GATD1: variants seen among roughly 807,000 people sequenced by gnomAD.
GATD1 encodes the protein glutamine amidotransferase-like class 1 domain-containing protein 1.
In GATD1, 23 loss-of-function variants were observed where a neutral mutation model predicts 25.9. The observed-to-expected ratio is 0.89, with a 90% CI of 0.64 to 1.26. The LOEUF (loss-of-function observed/expected upper bound fraction) is 1.26. Among genes scored for constraint, GATD1 ranks in the 50% most tolerant of loss-of-function variants. GATD1 has a pLI of 0.00. For missense variants in GATD1, 347 were observed against 312.5 expected (o/e 1.11, Z -0.83); for synonymous variants, 177 against 134.6 (o/e 1.31, Z -2.18).
chr11:775,658 GC>G (rs1246884622), intron 1 of GATD1, among the ~76,000 whole-genome samples: 1 of 152,116 alleles, frequency 6.6e-6, no homozygotes, highest in South Asian at 2.1e-4. Flanking sequence ...AAGTGTCCTG[GC>G]CCCCCCTCAC....
chr11:773,506 C>G lies in GATD1; in HGVS notation c.355+16G>C. On this transcript the variant is annotated intron_variant, in intron 4 of 7. Coordinates refer to ENST00000319863, the MANE Select transcript of GATD1 (RefSeq NM_182612.4). ...TGCACATCCAACCCCTCCCCTGGGT[C>G]CCAGGGGTCACCTACTGCTCTCAGA... 1 of 1,602,536 alleles carries G rather than the reference C, an allele frequency of 6.2e-7. No individual in the cohort carries two copies. The highest frequency in any genetic ancestry group is 8.5e-7 in the Non-Finnish European group (1 of 1,172,692).
chr11:775,111 G>C lies in GATD1; in HGVS notation c.96C>G (p.Phe32Leu). 6.2e-7 allele frequency: 1 copy of C among 1,605,948 alleles called. No homozygotes were observed. The highest frequency in any genetic ancestry group is 1.7e-5 in the Admixed American group (1 of 58,586). The change falls in exon 2 of 8, where the codon TTC becomes TTG. Residue 32 changes from phenylalanine to leucine, a missense_variant. Transcript: ENST00000319863. ...GGTTGAAGGCGGTGCTGGCCATCGTGAAACAGTGGAGGAAGGACTGGGCCG... is the reference window on the plus strand; with the variant it reads ...GGTTGAAGGCGGTGCTGGCCATCGTCAAACAGTGGAGGAAGGACTGGGCCG... ...GVSAQSFLHC[F>L]TMASTAFNLQ...
rs1863360437 is a variant in GATD1 at position 770,823 on chromosome 11, G to A, written c.*74C>T. 2.6e-6 allele frequency: 4 copies of A among 1,551,750 alleles called. No homozygotes were observed. In the South Asian group the frequency reaches 4.9e-5, roughly 19 times the overall value. Reference sequence around the variant, plus strand: ...CCCTTGTCAGGAGGGAAGAGGCGGGGTCCCTGAAGCCTGAGACGGGGCTGC... The same window carrying A: ...CCCTTGTCAGGAGGGAAGAGGCGGGATCCCTGAAGCCTGAGACGGGGCTGC... On this transcript the variant is annotated 3_prime_UTR_variant, in exon 8 of 8. Transcript: ENST00000319863.
rs1472142755 is a variant in GATD1 at position 769,170 on chromosome 11, C to G, written c.*1727G>C. 5 of 985,360 alleles carry G rather than the reference C, an allele frequency of 5.1e-6. No homozygotes were observed. The highest frequency in any genetic ancestry group is 3.6e-6 in the Non-Finnish European group (3 of 829,938). 61.0% of individuals were successfully genotyped at this position (985,360 alleles called of 1,614,324 possible). On this transcript the variant is annotated 3_prime_UTR_variant, in exon 8 of 8. Coordinates refer to ENST00000319863, the MANE Select transcript of GATD1 (RefSeq NM_182612.4). ...CACCACACGGGGATGAGAGTGGACC[C>G]GGGACAGAGCAAGGCCCCGTGGCCA...
At position 767,341 on chromosome 11, in the gene GATD1, C is replaced by A; in HGVS notation, c.*3556G>T. 1 of 1,536,266 alleles carries A rather than the reference C, an allele frequency of 6.5e-7. No individual in the cohort carries two copies. On this transcript the variant is annotated 3_prime_UTR_variant, in exon 8 of 8. Coordinates refer to ENST00000319863, the MANE Select transcript of GATD1 (RefSeq NM_182612.4). The stretch of plus-strand genomic sequence containing the variant: ...AGGTCTGTCCTCTTGCTTTCCTCCT[C>A]TGCCCCAGCCTGGTGCTGCCCCAAG...
chr11:776,415 C>T (rs1239811571), intron 1 of GATD1, among the ~76,000 whole-genome samples: 1 of 152,154 alleles, frequency 6.6e-6, no homozygotes, highest in African/African-American at 2.4e-5. Flanking sequence ...AAGTGCTGCC[C>T]CCAGCCTGCT....
intron 1 of GATD1, among the ~76,000 whole-genome samples, chr11:775,585 T>C (rs1590099636): frequency 6.6e-6 from 1 of 151,904 alleles, no homozygotes; most frequent in South Asian, 2.1e-4. Flanking sequence ...GGTCACAGAG[T>C]TCAGCTCATC....
chr11:772,877 G>A (rs1420740555), intron 4 of GATD1, among the ~76,000 whole-genome samples: 1 of 152,226 alleles, frequency 6.6e-6, no homozygotes, highest in Non-Finnish European at 1.5e-5. Flanking sequence ...CAGGCACTGT[G>A]GGAAAGGCCC....
Position 767,705 on chromosome 11 carries a change from C to G in GATD1, c.*3192G>C. On this transcript the variant is annotated 3_prime_UTR_variant, in exon 8 of 8. Transcript: ENST00000319863. ...TAGGTGGGGCATTTGGGAGGTCATCCGGTCACAGGGCAGGGGCACAGCCTC... is the reference window on the plus strand; with the variant it reads ...TAGGTGGGGCATTTGGGAGGTCATCGGGTCACAGGGCAGGGGCACAGCCTC... 1.0e-6 allele frequency: 1 copy of G among 953,960 alleles called. No homozygotes were observed. The highest frequency in any genetic ancestry group is 1.3e-6 in the Non-Finnish European group (1 of 760,758). The allele number at this position is 953,960 out of a possible 1,614,324, so 59.1% of individuals were successfully genotyped here.
Position 769,978 on chromosome 11 carries a change from C to T in GATD1, c.*919G>A, listed in dbSNP as rs1276742865. The stretch of plus-strand genomic sequence containing the variant: ...CAGGTCACTGGCACCAGGAGCCACG[C>T]TGGTGCTTGGGAACGGCTGTGGCTG... On this transcript the variant is annotated 3_prime_UTR_variant, in exon 8 of 8. Transcript: ENST00000319863. 9.7e-7 allele frequency: 1 copy of T among 1,028,042 alleles called. No individual in the cohort carries two copies. The highest frequency in any genetic ancestry group is 5.8e-5 in the Admixed American group (1 of 17,364). The allele number at this position is 1,028,042 out of a possible 1,614,324, so 63.7% of individuals were successfully genotyped here.
chr11:775,727 C>A (rs748521902), intron 1 of GATD1, among the ~76,000 whole-genome samples: 1 of 152,082 alleles, frequency 6.6e-6, no homozygotes, highest in Non-Finnish European at 1.5e-5. Flanking sequence ...TGGGATTATA[C>A]CCCTCCCCCG....
rs752488245 is a variant in GATD1 at position 772,565 on chromosome 11, G to A, written c.356-44C>T. 1.2e-5 allele frequency: 18 copies of A among 1,545,080 alleles called. No individual in the cohort carries two copies. The East Asian group carries it at 1.6e-4, about 14-fold the overall frequency. ...GTTGAGGCCCTGGACCCCGCCACCC[G>A]CACCCTGAAGCCCCTCCCAGATGCC... is the stretch of plus-strand genomic sequence containing the variant. On this transcript the variant is annotated intron_variant, in intron 4 of 7. Coordinates refer to ENST00000319863, the MANE Select transcript of GATD1 (RefSeq NM_182612.4).
In GATD1 at chr11:773,745, A is replaced by T. The variant is rs967302744; in HGVS notation, c.248-116T>A. 5.2e-5 allele frequency: 41 copies of T among 782,848 alleles called. No homozygotes were observed. In the African/African-American group the frequency reaches 6.1e-4, roughly 12 times the overall value. The allele number at this position is 782,848 out of a possible 1,614,324, so 48.5% of individuals were successfully genotyped here. ...TCCACAGGGACCAGCCAGCCTGGTG[A>T]TGTCATCTGTCCCTTTTCCTCCATG... is the stretch of plus-strand genomic sequence containing the variant. On this transcript the variant is annotated intron_variant, in intron 3 of 7. Coordinates refer to ENST00000319863, the MANE Select transcript of GATD1 (RefSeq NM_182612.4).
In GATD1 at chr11:767,283, GA is replaced by G. The variant is rs1292239368; in HGVS notation, c.*3613del. ...AGATGAACACACACTGGTATATGGGGAAATCCTCACCCGCCCTCCGCTGCTC... is the reference window on the plus strand; with the variant it reads ...AGATGAACACACACTGGTATATGGGGAATCCTCACCCGCCCTCCGCTGCTC... On this transcript the variant is annotated 3_prime_UTR_variant, in exon 8 of 8. Transcript: ENST00000319863. 47 of 1,536,046 alleles carry G rather than the reference GA, an allele frequency of 3.1e-5. No individual in the cohort carries two copies. The highest frequency in any genetic ancestry group is 9.8e-5 in the Admixed American group (5 of 50,970).
At chr11:776,335 G>A (rs4963157) in intron 1 of GATD1, among the ~76,000 whole-genome samples, 16,545 of 152,074 alleles carry the variant, frequency 0.11, 1,195 homozygotes, top group Middle Eastern at 0.27. Flanking sequence ...CACTTATCGA[G>A]GAAAAACAAA....
At position 775,107 on chromosome 11, in the gene GATD1, T is replaced by G. The variant is rs1863831006; in HGVS notation, c.100A>C (p.Met34Leu). Residue 34 changes from methionine (M) to leucine (L), a missense_variant, in exon 2 of 8, where the codon ATG becomes CTG. Physicochemically the swap from Met to Leu is conservative, Grantham distance 15. Coordinates refer to ENST00000319863, the MANE Select transcript of GATD1 (RefSeq NM_182612.4). ...SAQSFLHCFT[M>L]ASTAFNLQVA... Reference sequence around the variant, plus strand: ...TGCAGGTTGAAGGCGGTGCTGGCCATCGTGAAACAGTGGAGGAAGGACTGG... The same window carrying G: ...TGCAGGTTGAAGGCGGTGCTGGCCAGCGTGAAACAGTGGAGGAAGGACTGG... 1 of 1,605,840 alleles carries G rather than the reference T, an allele frequency of 6.2e-7. No homozygotes were observed. Among genetic ancestry groups the G allele is most frequent in the African/African-American group, 1.3e-5 (1 of 74,852 alleles).
chr11:777,380 C>A lies in GATD1; in HGVS notation c.64+19G>T. Reference sequence around the variant, plus strand: ...TCGCGGACGCTCTTCGGACACTGGCCCCGGCCGCCGGGCCTCACCTTCGGC... The same window carrying A: ...TCGCGGACGCTCTTCGGACACTGGCACCGGCCGCCGGGCCTCACCTTCGGC... On this transcript the variant is annotated intron_variant, in intron 1 of 7. Transcript: ENST00000319863. 1 of 1,294,520 alleles carries A rather than the reference C, an allele frequency of 7.7e-7. No homozygotes were observed. Among genetic ancestry groups the A allele is most frequent in the Non-Finnish European group, 9.8e-7 (1 of 1,018,800 alleles). 80.2% of individuals were successfully genotyped at this position (1,294,520 alleles called of 1,614,324 possible). A position where few individuals can be genotyped will look rare whatever the true frequency, so the allele number is the denominator to read the frequency against.
chr11:773,308 G>C (rs1007148117), intron 4 of GATD1: 1 of 519,208 alleles, frequency 1.9e-6, no homozygotes, highest in African/African-American at 2.0e-5. Flanking sequence ...CCCACCCAGA[G>C]GCCTGCAAGA....
rs1863242585 is a variant in GATD1 at position 769,409 on chromosome 11, C to G, written c.*1488G>C. 2 of 534,422 alleles carry G rather than the reference C, an allele frequency of 3.7e-6. No homozygotes were observed. The highest frequency in any genetic ancestry group is 4.8e-6 in the Non-Finnish European group (2 of 418,018). 33.1% of individuals were successfully genotyped at this position (534,422 alleles called of 1,614,324 possible). On this transcript the variant is annotated 3_prime_UTR_variant, in exon 8 of 8. Coordinates refer to ENST00000319863, the MANE Select transcript of GATD1 (RefSeq NM_182612.4). ...AATCTTGGCTCACTGCAACTTCCGCCTCCCAGGTTCAAGCAATTCTCACGT... is the reference window on the plus strand; with the variant it reads ...AATCTTGGCTCACTGCAACTTCCGCGTCCCAGGTTCAAGCAATTCTCACGT...
Sources: allele counts gnomAD v4.1 joint callset (sites outside exome capture counted in the v4.1 genomes callset), GRCh38; gene constraint gnomAD v4.1.1; transcripts MANE v1.5; gene names NCBI Gene and HGNC (gene_info 2026-07-23, HGNC 2026-07-21).